RANBP17: variants seen among roughly 807,000 people sequenced by gnomAD.
RANBP17 encodes RAN binding protein 17, also known as ran-binding protein 17.
A neutral mutation model predicts 141.2 loss-of-function variants in RANBP17; 158 were observed. That is an observed-to-expected ratio of 1.12 (90% CI 0.98 to 1.28). The LOEUF (loss-of-function observed/expected upper bound fraction) is 1.28, where lower values mean the gene tolerates loss of function less well. RANBP17 is among the 50% of genes most tolerant of loss of function. RANBP17 has a pLI of 0.00. For missense variants in RANBP17, 1,438 were observed against 1,290.7 expected, an observed-to-expected ratio of 1.11 and a Z score of -1.75; for synonymous variants, 430 against 450.0, an observed-to-expected ratio of 0.96 and a Z score of 0.56.
intron 5 of RANBP17, among the ~76,000 whole-genome samples, chr5:170,906,096 C>T (rs1046436368): frequency 9.9e-5 from 15 of 152,014 alleles, no homozygotes; most frequent in African/African-American, 3.4e-4. Context: ...CACACAAGGA[C>T]GTTCTTGTAC....
intron 24 of RANBP17, among the ~76,000 whole-genome samples, chr5:171,260,897 G>A (rs1766269198): frequency 6.6e-6 from 1 of 152,028 alleles, no homozygotes; most frequent in Non-Finnish European, 1.5e-5. Context: ...AACCAACTAG[G>A]AACTACTAGA....
intron 1 of RANBP17, among the ~76,000 whole-genome samples, chr5:170,865,387 C>CT (rs1399364487): frequency 6.6e-6 from 1 of 152,102 alleles, no homozygotes; most frequent in African/African-American, 2.4e-5. Context: ...AACAGCAAGG[C>CT]TTAGAAAGGT....
intron 22 of RANBP17, among the ~76,000 whole-genome samples, chr5:171,236,900 C>T (rs1764576983): frequency 6.6e-6 from 1 of 152,132 alleles, no homozygotes; most frequent in Non-Finnish European, 1.5e-5. Flanking sequence ...TCAGTACCTT[C>T]TGTACTATAT....
chr5:171,135,335 T>A (rs986089491), intron 14 of RANBP17, among the ~76,000 whole-genome samples: 1 of 152,046 alleles, frequency 6.6e-6, no homozygotes, highest in Non-Finnish European at 1.5e-5. Context: ...TATCATTGTT[T>A]ACTGACTTTT....
intron 14 of RANBP17, among the ~76,000 whole-genome samples, chr5:171,128,509 A>G (rs1213758327): frequency 1.3e-5 from 2 of 152,188 alleles, no homozygotes. Context: ...AGAGGCTGCA[A>G]AGGGAAGGGA....
At chr5:171,277,109 C>A in intron 25 of RANBP17, among the ~76,000 whole-genome samples, 1 of 150,850 alleles carries the variant, frequency 6.6e-6, no homozygotes, top group Non-Finnish European at 1.5e-5. Context: ...AAAAGAAGCA[C>A]TGCAGAGAAC....
chr5:171,064,772 C>G (rs1156687259), intron 14 of RANBP17, among the ~76,000 whole-genome samples: 1 of 151,986 alleles, frequency 6.6e-6, no homozygotes, highest in Non-Finnish European at 1.5e-5. Flanking sequence ...CTGCCTGCTT[C>G]TGCCTCCCAA....
chr5:170,892,513 T>C lies in RANBP17; in HGVS notation c.383T>C (p.Val128Ala), dbSNP rs79439344. The C allele has an allele frequency of 6.2e-7, 1 of 1,613,978 alleles. No individual in the cohort carries two copies. Among genetic ancestry groups the C allele is most frequent in the Non-Finnish European group, 8.5e-7 (1 of 1,179,918 alleles). ...GWFEVQKDQF[V>A]FREIIADVKK... ...TTTGAGGTTCAGAAAGACCAATTTG[T>C]CTTCAGAGAAATTATTGCTGATGTG... The change falls in exon 4 of 28, where the codon GTC (valine) becomes GCC (alanine). Residue 128 changes from valine (V) to alanine (A), a missense_variant. Val to Ala is a moderately conservative substitution (Grantham distance 64). Transcript: ENST00000523189.
chr5:171,116,182 C>A (rs1487268362), intron 14 of RANBP17, among the ~76,000 whole-genome samples: 2 of 152,040 alleles, frequency 1.3e-5, no homozygotes, highest in Non-Finnish European at 2.9e-5. Context: ...CAATGTATTG[C>A]TAATTTTTGG....
chr5:171,104,680 T>C (rs762573846), intron 14 of RANBP17, among the ~76,000 whole-genome samples: 5 of 152,218 alleles, frequency 3.3e-5, no homozygotes, highest in African/African-American at 4.8e-5. Context: ...TCTTTTTCTT[T>C]AGGCAAATTT....
intron 14 of RANBP17, among the ~76,000 whole-genome samples, chr5:171,043,712 G>A (rs1025019746): frequency 2.6e-5 from 4 of 152,106 alleles, no homozygotes; most frequent in South Asian, 4.1e-4. Flanking sequence ...GTAACTAGAG[G>A]GAGTTGGACT....
rs992170491 is a variant in RANBP17 at position 171,147,706 on chromosome 5, A to G, written c.1711-22424A>G. On this transcript the variant is annotated intron_variant, in intron 14 of 27. Coordinates refer to ENST00000523189, the MANE Select transcript of RANBP17 (RefSeq NM_022897.5). ...TGAGATTACAGGCATGAGCCACCGC[A>G]CCTGGCCATAATCATCTTTTCTAAG... is the stretch of plus-strand genomic sequence containing the variant. Among the ~76,000 whole-genome samples, 12 of 151,980 alleles carry G rather than the reference A, an allele frequency of 7.9e-5. No homozygotes were observed. In the East Asian group the frequency reaches 2.3e-3, roughly 30 times the overall value.
At chr5:170,874,773 CTT>C (rs1768042792) in intron 1 of RANBP17, among the ~76,000 whole-genome samples, 2 of 152,048 alleles carry the variant, frequency 1.3e-5, no homozygotes, top group African/African-American at 4.8e-5. Flanking sequence ...GGACTTGACT[CTT>C]TGTCCAGTTT....
intron 5 of RANBP17, among the ~76,000 whole-genome samples, chr5:170,907,748 A>G (rs1771184212): frequency 6.6e-6 from 1 of 152,042 alleles, no homozygotes; most frequent in African/African-American, 2.4e-5. Flanking sequence ...ATACTTTATA[A>G]ATTGCAATTA....
At chr5:171,213,557 G>A in intron 20 of RANBP17, 74 bp from the exon 21 acceptor site, 3 of 962,832 alleles carry the variant, frequency 3.1e-6, no homozygotes, top group Non-Finnish European at 5.1e-6. Context: ...TTGTGTGTGT[G>A]TATGTGTGTG....
chr5:171,221,744 T>C lies in RANBP17; in HGVS notation c.2340-14T>C. 2 of 1,548,792 alleles carry C rather than the reference T, an allele frequency of 1.3e-6. No homozygotes were observed. The highest frequency in any genetic ancestry group is 1.8e-6 in the Non-Finnish European group (2 of 1,124,404). The stretch of plus-strand genomic sequence containing the variant: ...TATCTTCACATATAGGCAATTTTTT[T>C]CTATATTTCTTAGATCCCAGCGTTT... On this transcript the variant is annotated splice_polypyrimidine_tract_variant and intron_variant, in intron 21 of 27. Coordinates refer to ENST00000523189, the MANE Select transcript of RANBP17 (RefSeq NM_022897.5).
intron 14 of RANBP17, among the ~76,000 whole-genome samples, chr5:171,024,657 T>C (rs1405994090): frequency 6.6e-6 from 1 of 152,208 alleles, no homozygotes; most frequent in Non-Finnish European, 1.5e-5. Context: ...TCTTAGCTTG[T>C]CTGATACCAT....
At chr5:170,930,738 A>G (rs1256105809) in intron 12 of RANBP17, among the ~76,000 whole-genome samples, 2 of 152,076 alleles carry the variant, frequency 1.3e-5, no homozygotes, top group African/African-American at 4.8e-5. Flanking sequence ...AAGGACATGA[A>G]CTTGTCCTTT....
chr5:170,942,208 C>G (rs9313531), intron 12 of RANBP17, among the ~76,000 whole-genome samples: 92,966 of 151,892 alleles, frequency 0.61, 29,839 homozygotes, highest in South Asian at 0.89. Context: ...ATCACCTCCC[C>G]TTCCTCCCCA....
Sources: gnomAD v4.1 joint callset for allele counts (sites outside exome capture counted in the v4.1 genomes callset) on GRCh38, gnomAD v4.1.1 for gene constraint, MANE v1.5 for transcripts, NCBI Gene and HGNC (gene_info 2026-07-23, HGNC 2026-07-21) for gene names.